Variants in COMMD1 observed in about 807,000 individuals in gnomAD.
The protein encoded by COMMD1 is COMM domain-containing protein 1.
In COMMD1, 10 loss-of-function variants were observed where a neutral mutation model predicts 17.2. That is an observed-to-expected ratio of 0.58 (90% CI 0.36 to 0.99). The LOEUF (loss-of-function observed/expected upper bound fraction) is 0.99, where lower values mean the gene tolerates loss of function less well. COMMD1 is among the 50% of genes least tolerant of loss of function. The pLI, the probability that COMMD1 is intolerant of heterozygous loss-of-function variation, is 0.01. For missense variants in COMMD1, 270 were observed against 231.8 expected (o/e 1.17, Z -1.07); for synonymous variants, 97 against 91.6 (o/e 1.06, Z -0.34).
intron 2 of COMMD1, among the ~76,000 whole-genome samples, chr2:62,130,059 C>T (rs999322325): frequency 4.0e-5 from 6 of 151,294 alleles, no homozygotes; most frequent in Non-Finnish European, 8.8e-5. Flanking sequence ...CCTGTAGTCC[C>T]AGCTATTCAG....
At chr2:61,955,898 G>T (rs1671186760) in intron 1 of COMMD1, among the ~76,000 whole-genome samples, 1 of 152,148 alleles carries the variant, frequency 6.6e-6, no homozygotes, top group Admixed American at 6.6e-5. Context: ...TGTTAGCCAG[G>T]CTGGTCTTGA....
chr2:62,105,383 A>G (rs1672303097), intron 2 of COMMD1, among the ~76,000 whole-genome samples: 1 of 152,190 alleles, frequency 6.6e-6, no homozygotes, highest in South Asian at 2.1e-4. Context: ...AGAAGTAAAT[A>G]GCATTTATTA....
intron 1 of COMMD1, among the ~76,000 whole-genome samples, chr2:61,945,653 C>G (rs1238114695): frequency 6.6e-6 from 1 of 152,174 alleles, no homozygotes; most frequent in Non-Finnish European, 1.5e-5. Flanking sequence ...GACATGTGCC[C>G]AGGGTGGTCA....
chr2:62,035,743 TAAAAAA>T (rs763075178), intron 2 of COMMD1, among the ~76,000 whole-genome samples: 45 of 95,004 alleles, frequency 4.7e-4, no homozygotes, highest in African/African-American at 1.7e-3. Context: ...CTGTCTCAAT[TAAAAAA>T]AAAAAAAAAA....
intron 2 of COMMD1, among the ~76,000 whole-genome samples, chr2:62,036,477 C>T (rs1670042087): frequency 6.6e-6 from 1 of 152,116 alleles, no homozygotes; most frequent in Admixed American, 6.5e-5. Context: ...ACATAGTCTT[C>T]GTAGTCTTTA....
chr2:62,136,003 A>C lies in COMMD1; in HGVS notation c.*62A>C. 1 of 855,032 alleles carries C rather than the reference A, an allele frequency of 1.2e-6. No homozygotes were observed. The highest frequency in any genetic ancestry group is 2.0e-6 in the Non-Finnish European group (1 of 492,480). 53.0% of individuals were successfully genotyped at this position (855,032 alleles called of 1,614,324 possible). A position where few individuals can be genotyped will look rare whatever the true frequency, so the allele number is the denominator to read the frequency against. ...AGGTGTCCATGATCCCTCCCCACTG[A>C]CCTTTTCTAAGAAAATTCTTGTGCC... On this transcript the variant is annotated 3_prime_UTR_variant, in exon 3 of 3. Transcript: ENST00000311832.
intron 2 of COMMD1, among the ~76,000 whole-genome samples, chr2:62,032,109 T>C (rs897196711): frequency 2.0e-5 from 3 of 152,222 alleles, no homozygotes; most frequent in Admixed American, 6.5e-5. Flanking sequence ...TTATATATCT[T>C]GTACTGAACA....
At chr2:62,080,696 C>G (rs1671490451) in intron 2 of COMMD1, among the ~76,000 whole-genome samples, 1 of 151,968 alleles carries the variant, frequency 6.6e-6, no homozygotes, top group South Asian at 2.1e-4. Flanking sequence ...AAGAGATCCC[C>G]ATTTCTACCA....
At chr2:62,023,376 A>T (rs1408775309) in intron 2 of COMMD1, among the ~76,000 whole-genome samples, 2 of 152,186 alleles carry the variant, frequency 1.3e-5, no homozygotes, top group Non-Finnish European at 2.9e-5. Flanking sequence ...CAAAACAAAG[A>T]GAAAAACTGA....
At chr2:61,936,682 C>A (rs1670614754) in intron 1 of COMMD1, among the ~76,000 whole-genome samples, 1 of 152,168 alleles carries the variant, frequency 6.6e-6, no homozygotes, top group Non-Finnish European at 1.5e-5. Context: ...GATCCTCCTG[C>A]CTTGGCTGCT....
chr2:62,132,364 T>C (rs1001881885), intron 2 of COMMD1, among the ~76,000 whole-genome samples: 9 of 152,200 alleles, frequency 5.9e-5, no homozygotes, highest in African/African-American at 2.2e-4. Flanking sequence ...GTTGCTCCTA[T>C]CTCTATGAAT....
chr2:61,892,063 C>T (rs910735029), intron 1 of COMMD1, among the ~76,000 whole-genome samples: 2 of 151,732 alleles, frequency 1.3e-5, no homozygotes, highest in African/African-American at 4.8e-5. Context: ...GATCTCCTGA[C>T]CCGGTGATCC....
At chr2:61,919,032 A>T (rs1198427237) in intron 1 of COMMD1, among the ~76,000 whole-genome samples, 1 of 150,930 alleles carries the variant, frequency 6.6e-6, no homozygotes, top group African/African-American at 2.4e-5. Flanking sequence ...TTCTTTTGAG[A>T]TGGAGTTTTG....
upstream of COMMD1, chr2:61,888,620 G>A (rs1056843830): frequency 6.2e-6 from 8 of 1,299,352 alleles, no homozygotes; most frequent in African/African-American, 6.0e-5. Flanking sequence ...CTTCCAGAAA[G>A]CGGCGCCGGC....
At chr2:62,052,472 T>C (rs1270579034) in intron 2 of COMMD1, among the ~76,000 whole-genome samples, 2 of 152,166 alleles carry the variant, frequency 1.3e-5, no homozygotes, top group Non-Finnish European at 2.9e-5. Flanking sequence ...GTTGCTTGGG[T>C]ATGATCCTTG....
chr2:62,085,319 A>G (rs1671629652), intron 2 of COMMD1, among the ~76,000 whole-genome samples: 1 of 151,168 alleles, frequency 6.6e-6, no homozygotes, highest in Non-Finnish European at 1.5e-5. Flanking sequence ...CTGGGTTCAC[A>G]CCATTCCTCT....
chr2:62,125,815 T>A (rs765757063), intron 2 of COMMD1, among the ~76,000 whole-genome samples: 12 of 152,184 alleles, frequency 7.9e-5, no homozygotes, highest in Non-Finnish European at 1.2e-4. Flanking sequence ...ATGTGCAGGT[T>A]TGTTACATAG....
upstream of COMMD1, chr2:61,888,628 G>T: frequency 8.2e-7 from 1 of 1,226,346 alleles, no homozygotes; most frequent in Non-Finnish European, 1.1e-6. Context: ...AAGCGGCGCC[G>T]GCGTCGGGAG....
intron 2 of COMMD1, among the ~76,000 whole-genome samples, chr2:62,043,506 G>GTGCTT (rs1670296511): frequency 6.6e-6 from 1 of 152,132 alleles, no homozygotes; most frequent in African/African-American, 2.4e-5. Context: ...AGGTGCTTAT[G>GTGCTT]ACAGTATTAG....
Sources: allele counts gnomAD v4.1 joint callset (sites outside exome capture counted in the v4.1 genomes callset), GRCh38; gene constraint gnomAD v4.1.1; transcripts MANE v1.5; gene names NCBI Gene and HGNC (gene_info 2026-07-23, HGNC 2026-07-21).